The following AGPS variants were observed in gnomAD, a reference collection of about 807,000 sequenced individuals.
AGPS encodes alkylglycerone phosphate synthase, also known as alkyldihydroxyacetonephosphate synthase, peroxisomal.
Under a neutral mutation model 90.7 loss-of-function variants are expected in AGPS, and 26 were observed. That is an observed-to-expected ratio of 0.29 (90% CI 0.21 to 0.40). The LOEUF is 0.40. Among genes scored for constraint, AGPS ranks in the 10% least tolerant of loss-of-function variants. The pLI is 1.00. For synonymous variants in AGPS, 294 were observed against 285.3 expected (o/e 1.03, Z -0.31); for missense variants, 540 against 816.1 (o/e 0.66, Z 4.12).
At chr2:177,393,663 T>C (rs1413554413) in intron 1 of AGPS, 1 of 737,564 alleles carries the variant, frequency 1.4e-6, no homozygotes, top group African/African-American at 1.9e-5. Flanking sequence ...TACTGAGCTC[T>C]GTGTAACCAG....
intron 11 of AGPS, among the ~76,000 whole-genome samples, chr2:177,491,763 C>CCT (rs1559070358): frequency 6.1e-5 from 5 of 81,722 alleles, no homozygotes; most frequent in African/African-American, 2.8e-4. Flanking sequence ...CTTTCCTTCC[C>CCT]CCCCCCCCCC....
At chr2:177,413,201 C>T (rs538624213) in intron 1 of AGPS, among the ~76,000 whole-genome samples, 246 of 152,140 alleles carry the variant, frequency 1.6e-3, no homozygotes, top group African/African-American at 2.1e-3. Flanking sequence ...TACATTAAGC[C>T]GGTATGGATT....
intron 8 of AGPS, among the ~76,000 whole-genome samples, chr2:177,459,290 G>A (rs965445421): frequency 2.0e-5 from 3 of 152,150 alleles, no homozygotes; most frequent in African/African-American, 7.2e-5. Flanking sequence ...AACACCAAAA[G>A]CAATGGCAAC....
chr2:177,405,276 T>G (rs1210748866), intron 1 of AGPS, among the ~76,000 whole-genome samples: 1 of 152,244 alleles, frequency 6.6e-6, no homozygotes, highest in African/African-American at 2.4e-5. Context: ...CTGCAATCAG[T>G]TATTGCCTGG....
At chr2:177,441,209 CTGTT>C in intron 6 of AGPS, 173 bp downstream of exon 6, 1 of 617,544 alleles carries the variant, frequency 1.6e-6, no homozygotes, top group Non-Finnish European at 2.9e-6. Flanking sequence ...ATTCCTTAAA[CTGTT>C]TGAGACATGG....
At chr2:177,417,587 C>T (rs1457409569) in intron 1 of AGPS, among the ~76,000 whole-genome samples, 1 of 152,156 alleles carries the variant, frequency 6.6e-6, no homozygotes, top group Non-Finnish European at 1.5e-5. Context: ...ATATTATTGC[C>T]TCTCTGAAGA....
intron 10 of AGPS, 71 bp downstream of exon 10, chr2:177,468,595 T>TGTGA (rs1474030512): frequency 4.6e-5 from 49 of 1,059,268 alleles, no homozygotes; most frequent in Non-Finnish European, 7.0e-5. Context: ...ATCTTTATAT[T>TGTGA]GTGACATCAG....
In AGPS at chr2:177,539,868, C is replaced by G. The variant is rs1354695788; in HGVS notation, c.*1673C>G. The stretch of plus-strand genomic sequence containing the variant: ...TTTAATTATAAAATTTCCAACAGAT[C>G]TTTGCTTTAAGCCCTTGATATTTGA... On this transcript the variant is annotated 3_prime_UTR_variant, in exon 20 of 20. Coordinates refer to ENST00000264167, the MANE Select transcript of AGPS (RefSeq NM_003659.4). The G allele has an allele frequency of 6.6e-6, 1 of 151,546 alleles. No individual in the cohort carries two copies. The highest frequency in any genetic ancestry group is 1.5e-5 in the Non-Finnish European group (1 of 67,788). 9.4% of individuals were successfully genotyped at this position (151,546 alleles called of 1,614,324 possible).
At chr2:177,465,009 A>C (rs1029589329) in intron 9 of AGPS, among the ~76,000 whole-genome samples, 1 of 152,226 alleles carries the variant, frequency 6.6e-6, no homozygotes, top group African/African-American at 2.4e-5. Flanking sequence ...AGAAGTATAA[A>C]AAATGTATGC....
At chr2:177,416,292 C>A (rs1006552477) in intron 1 of AGPS, among the ~76,000 whole-genome samples, 8 of 152,032 alleles carry the variant, frequency 5.3e-5, no homozygotes, top group Non-Finnish European at 8.8e-5. Flanking sequence ...ATAATAACAG[C>A]CCTGAAAAAT....
rs1310547595 is a variant in AGPS at position 177,540,261 on chromosome 2, T to C, written c.*2066T>C. On this transcript the variant is annotated 3_prime_UTR_variant, in exon 20 of 20. Transcript: ENST00000264167. ...GTAAATGTAACACCTGAAATTATTA[T>C]GTTCACTATTCTACATGAACCTTAT... 6 of 152,110 alleles carry C rather than the reference T, an allele frequency of 3.9e-5. No homozygotes were observed. In the East Asian group the frequency reaches 1.2e-3, roughly 29 times the overall value. 9.4% of individuals were successfully genotyped at this position (152,110 alleles called of 1,614,324 possible).
intron 1 of AGPS, among the ~76,000 whole-genome samples, chr2:177,395,994 G>A (rs1251209469): frequency 6.8e-6 from 1 of 148,140 alleles, no homozygotes; most frequent in Admixed American, 6.8e-5. Flanking sequence ...AATCTAGGAA[G>A]TGAGAGACAC....
At chr2:177,469,208 A>C (rs976870006) in intron 10 of AGPS, among the ~76,000 whole-genome samples, 1 of 152,166 alleles carries the variant, frequency 6.6e-6, no homozygotes, top group African/African-American at 2.4e-5. Context: ...GACATTCCTT[A>C]AATTCAGAGA....
At position 177,523,751 on chromosome 2, in the gene AGPS, G is replaced by A. The variant is rs1253687566; in HGVS notation, c.1801G>A (p.Ala601Thr). 3.7e-6 allele frequency: 6 copies of A among 1,613,870 alleles called. No homozygotes were observed. Among genetic ancestry groups the A allele is most frequent in the Non-Finnish European group, 5.1e-6 (6 of 1,179,790 alleles). Reference protein sequence around the residue: ...PLTVFEQTEAAAREEILANGG... With the variant: ...PLTVFEQTEATAREEILANGG... Reference sequence around the variant, plus strand: ...GTTGTGTTGTTTCCAAATACAGGCAGCTGCTAGAGAAGAAATCCTTGCTAA... The same window carrying A: ...GTTGTGTTGTTTCCAAATACAGGCAACTGCTAGAGAAGAAATCCTTGCTAA... The change falls in exon 19 of 20, where the codon GCT (alanine) becomes ACT (threonine). Residue 601 changes from alanine (A) to threonine (T), a missense_variant. Around this residue, in one of 2 missense-constraint regions of AGPS, gnomAD observed 405 missense variants for 692.1 expected, o/e 0.59. Transcript: ENST00000264167.
intron 14 of AGPS, among the ~76,000 whole-genome samples, chr2:177,502,799 A>C (rs1275690030): frequency 6.6e-6 from 1 of 152,034 alleles, no homozygotes. Flanking sequence ...GTATCCCACC[A>C]GTTTTCTGTA....
chr2:177,479,721 G>A (rs552009683), intron 10 of AGPS, among the ~76,000 whole-genome samples: 1 of 152,366 alleles, frequency 6.6e-6, no homozygotes, highest in African/African-American at 2.4e-5. Flanking sequence ...GAATAGGCAA[G>A]TCTGTATAGA....
intron 19 of AGPS, among the ~76,000 whole-genome samples, chr2:177,536,693 A>T (rs1308951765): frequency 6.6e-6 from 1 of 152,084 alleles, no homozygotes; most frequent in Non-Finnish European, 1.5e-5. Flanking sequence ...TTCATTTTGA[A>T]TTTAAGGTTT....
chr2:177,503,332 A>G (rs1166469302), intron 14 of AGPS, among the ~76,000 whole-genome samples: 1 of 152,222 alleles, frequency 6.6e-6, no homozygotes, highest in Non-Finnish European at 1.5e-5. Flanking sequence ...GACATTTACC[A>G]TAGAACTTAA....
intron 1 of AGPS, among the ~76,000 whole-genome samples, chr2:177,395,390 T>C (rs1238296335): frequency 6.6e-6 from 1 of 152,236 alleles, no homozygotes; most frequent in Non-Finnish European, 1.5e-5. Context: ...TTACAGCTGG[T>C]GGGAAGCCCT....
Sources: allele counts gnomAD v4.1 joint callset (sites outside exome capture counted in the v4.1 genomes callset), GRCh38; gene constraint gnomAD v4.1.1; regional missense constraint gnomAD v4.1.1; transcripts MANE v1.5; gene names NCBI Gene and HGNC (gene_info 2026-07-23, HGNC 2026-07-21).